MCU: variants seen among roughly 807,000 people sequenced by gnomAD.
MCU encodes the protein mitochondrial calcium uniporter.
Under a neutral mutation model 45.2 loss-of-function variants are expected in MCU, and 12 were observed. The ratio of observed to expected loss-of-function variants is 0.27; its 90% CI spans 0.17 to 0.43. The LOEUF is 0.43. Ranked by LOEUF, MCU falls within the 20% of genes least tolerant of loss-of-function variation. The pLI is 1.00. For missense variants in MCU, 324 were observed against 436.7 expected, an observed-to-expected ratio of 0.74 and a Z score of 2.30; for synonymous variants, 160 against 165.1, an observed-to-expected ratio of 0.97 and a Z score of 0.24.
At position 72,751,341 on chromosome 10, in the gene MCU, C is replaced by CTTTTTTTTTTTTTTTTTTT. The variant is rs71021528; in HGVS notation, c.150+59052_150+59070dup. 1.8e-4 allele frequency among the ~76,000 whole-genome samples: 8 copies of CTTTTTTTTTTTTTTTTTTT among 44,752 alleles called. 1 individual carries two copies. The highest frequency in any genetic ancestry group is 5.0e-4 in the African/African-American group (6 of 11,938). The allele number at this position is 44,752 out of a possible 152,430, so 29.4% of individuals were successfully genotyped here. On this transcript the variant is annotated intron_variant, in intron 1 of 7. Transcript: ENST00000373053. ...TTTTCTCTAACATCTTCTTCTTCTT[C>CTTTTTTTTTTTTTTTTTTT]TTTTTTTTTTTTTTTTTTTTTTTTT...
intron 1 of MCU, among the ~76,000 whole-genome samples, chr10:72,792,539 G>A (rs1844177585): frequency 1.3e-5 from 2 of 152,110 alleles, no homozygotes; most frequent in Admixed American, 1.3e-4. Flanking sequence ...ACCTGCCAGT[G>A]GATCAGTTCC....
At chr10:72,770,473 G>A (rs1843788708) in intron 1 of MCU, among the ~76,000 whole-genome samples, 1 of 151,496 alleles carries the variant, frequency 6.6e-6, no homozygotes, top group African/African-American at 2.4e-5. Context: ...TTTCTTTTTT[G>A]TGCTATTACA....
chr10:72,856,767 C>T (rs1845296299), intron 2 of MCU, among the ~76,000 whole-genome samples: 1 of 108,194 alleles, frequency 9.2e-6, no homozygotes, highest in Non-Finnish European at 1.8e-5. Context: ...AACCCTGTCT[C>T]TAAAAAAAAA....
intron 1 of MCU, among the ~76,000 whole-genome samples, chr10:72,803,960 A>ACAT (rs1365720267): frequency 1.8e-4 from 25 of 141,344 alleles, no homozygotes; most frequent in African/African-American, 6.1e-4. Context: ...CAAGGACCAG[A>ACAT]CATTGTATTC....
At chr10:72,790,313 G>A (rs573357703) in intron 1 of MCU, among the ~76,000 whole-genome samples, 5 of 152,202 alleles carry the variant, frequency 3.3e-5, no homozygotes, top group Admixed American at 1.3e-4. Context: ...TATAGAAAGA[G>A]AAGAGAAATA....
chr10:72,833,942 C>T (rs569142024), intron 1 of MCU, among the ~76,000 whole-genome samples: 7 of 152,302 alleles, frequency 4.6e-5, no homozygotes, highest in African/African-American at 1.7e-4. Flanking sequence ...TAATAACTCT[C>T]ATACCTGGTA....
In MCU at chr10:72,716,004, A is replaced by G. The variant is rs1053489031; in HGVS notation, c.150+23703A>G. On this transcript the variant is annotated intron_variant, in intron 1 of 7. Coordinates refer to ENST00000373053, the MANE Select transcript of MCU (RefSeq NM_138357.3). Reference sequence around the variant, plus strand: ...TTTATGAAATCTATGTTGCCAGTTGATTTTTCTGCCCCCTGTTACTGTAGA... The same window carrying G: ...TTTATGAAATCTATGTTGCCAGTTGGTTTTTCTGCCCCCTGTTACTGTAGA... The G allele has an allele frequency of 6.7e-5, 31 of 465,694 alleles. No individual in the cohort carries two copies. In the South Asian group the frequency reaches 1.6e-3, roughly 23 times the overall value. 28.8% of individuals were successfully genotyped at this position (465,694 alleles called of 1,614,324 possible).
At chr10:72,881,609 A>G (rs1394754736) in intron 6 of MCU, among the ~76,000 whole-genome samples, 1 of 152,258 alleles carries the variant, frequency 6.6e-6, no homozygotes, top group Non-Finnish European at 1.5e-5. Context: ...AGATACTTGC[A>G]GTATGTATAC....
chr10:72,722,457 A>G (rs541459858), intron 1 of MCU, among the ~76,000 whole-genome samples: 26 of 151,308 alleles, frequency 1.7e-4, no homozygotes, highest in African/African-American at 6.3e-4. Flanking sequence ...TAGTCTAGGC[A>G]TAGCTAATAT....
chr10:72,783,065 A>G (rs1476499829), intron 1 of MCU, among the ~76,000 whole-genome samples: 1 of 152,244 alleles, frequency 6.6e-6, no homozygotes, highest in African/African-American at 2.4e-5. Flanking sequence ...GTTTGTTTGA[A>G]GTATTTGTGG....
intron 1 of MCU, among the ~76,000 whole-genome samples, chr10:72,693,585 G>C (rs913450834): frequency 1.4e-4 from 21 of 152,186 alleles, no homozygotes; most frequent in African/African-American, 4.8e-4. Context: ...TCTATGAAAA[G>C]ACCTAATGCT....
chr10:72,813,211 A>G (rs1431915112), intron 1 of MCU, among the ~76,000 whole-genome samples: 1 of 152,188 alleles, frequency 6.6e-6, no homozygotes. Flanking sequence ...AATGATATAT[A>G]GCTAGCTGTG....
intron 1 of MCU, among the ~76,000 whole-genome samples, chr10:72,789,538 C>T (rs1844126388): frequency 1.3e-5 from 2 of 152,096 alleles, no homozygotes; most frequent in African/African-American, 4.8e-5. Flanking sequence ...CAACTTGCTT[C>T]AACTTTCAGT....
chr10:72,865,034 G>C (rs1303378003), intron 4 of MCU, among the ~76,000 whole-genome samples: 2 of 152,244 alleles, frequency 1.3e-5, no homozygotes, highest in South Asian at 4.1e-4. Context: ...GAGTTTCCAT[G>C]TATTATGTTG....
At chr10:72,764,789 G>T (rs1051058979) in intron 1 of MCU, among the ~76,000 whole-genome samples, 7 of 152,050 alleles carry the variant, frequency 4.6e-5, no homozygotes, top group Non-Finnish European at 8.8e-5. Context: ...ATGACTTTTG[G>T]CTATATTAAG....
intron 1 of MCU, among the ~76,000 whole-genome samples, chr10:72,725,356 G>C (rs1187601026): frequency 6.6e-6 from 1 of 151,946 alleles, no homozygotes; most frequent in Non-Finnish European, 1.5e-5. Flanking sequence ...TCGATCTCCT[G>C]ACCTTGTGAT....
chr10:72,709,573 A>AT (rs1326280750), intron 1 of MCU, among the ~76,000 whole-genome samples: 2 of 149,972 alleles, frequency 1.3e-5, no homozygotes, highest in African/African-American at 2.5e-5. Flanking sequence ...GGAAAAATGG[A>AT]TTTTCTGGTG....
At chr10:72,735,067 T>C (rs1394940234) in intron 1 of MCU, among the ~76,000 whole-genome samples, 2 of 149,574 alleles carry the variant, frequency 1.3e-5, no homozygotes, top group East Asian at 2.0e-4. Context: ...CAGAGTGAGA[T>C]TGTCTCAAAA....
chr10:72,722,264 G>A (rs774280563), intron 1 of MCU, among the ~76,000 whole-genome samples: 6 of 143,852 alleles, frequency 4.2e-5, no homozygotes, highest in Non-Finnish European at 9.0e-5. Flanking sequence ...TGCAGTGAGC[G>A]GAGATTGCAC....
Sources: gnomAD v4.1 joint callset for allele counts (sites outside exome capture counted in the v4.1 genomes callset) on GRCh38, gnomAD v4.1.1 for gene constraint, MANE v1.5 for transcripts, NCBI Gene and HGNC (gene_info 2026-07-23, HGNC 2026-07-21) for gene names.